The following PTCH2 variants were observed in gnomAD, a reference collection of about 807,000 sequenced individuals.
PTCH2 encodes protein patched homolog 2.
A neutral mutation model predicts 117.9 loss-of-function variants in PTCH2; 96 were observed. The observed-to-expected ratio is 0.81, with a 90% CI of 0.69 to 0.96. The LOEUF is 0.96. Among genes scored for constraint, PTCH2 ranks in the 50% least tolerant of loss-of-function variants. The probability of loss-of-function intolerance (pLI) is 0.00; values close to 1 mark genes in which losing one functional copy is unlikely to be tolerated. For synonymous variants in PTCH2, 615 were observed against 660.9 expected (o/e 0.93, Z 1.06); for missense variants, 1,379 against 1,562.5 (o/e 0.88, Z 1.98).
intron 1 of PTCH2, among the ~76,000 whole-genome samples, chr1:44,842,548 A>G (rs1038489946): frequency 2.0e-5 from 3 of 152,072 alleles, no homozygotes; most frequent in African/African-American, 7.2e-5. Context: ...CAGTGTTGGG[A>G]TTACAGGCGT....
In PTCH2 at chr1:44,823,183, T is replaced by TG. The variant is rs1459474327; in HGVS notation, c.3258-16dup. The TG allele has an allele frequency of 2.5e-6, 4 of 1,613,984 alleles. No homozygotes were observed. The highest frequency in any genetic ancestry group is 1.6e-4 in the Middle Eastern group (1 of 6,062). ...CAAAGAAGTACCTAGGGGTAGGGTG[T>TG]GGGGGGAGTCAGCCCAGGCCTGTCC... On this transcript the variant is annotated splice_polypyrimidine_tract_variant and intron_variant, in intron 20 of 21. Transcript: ENST00000372192. This position sits in a 1 kb window ranked among gnomAD's most constrained non-coding sequence, Gnocchi z 5.1.
chr1:44,820,043 AC>A (rs995557680), downstream of PTCH2: 2 of 187,904 alleles, frequency 1.1e-5, no homozygotes, highest in African/African-American at 4.8e-5. Context: ...CTAACACTTA[AC>A]ACACTTATGG....
chr1:44,819,930 CT>C (rs963083174), downstream of PTCH2: 2 of 153,276 alleles, frequency 1.3e-5, no homozygotes, highest in Non-Finnish European at 2.9e-5. Context: ...AAACTCACAA[CT>C]TTCTCTCCAC....
intron 19 of PTCH2, among the ~76,000 whole-genome samples, chr1:44,824,930 C>G (rs1653077676): frequency 6.6e-6 from 1 of 152,036 alleles, no homozygotes; most frequent in Admixed American, 6.6e-5. Flanking sequence ...CTTTAGCCTC[C>G]CAAAGTGCTG....
At chr1:44,838,081 CAAA>C (rs1385110706) in intron 2 of PTCH2, among the ~76,000 whole-genome samples, 4 of 84,576 alleles carry the variant, frequency 4.7e-5, no homozygotes, top group African/African-American at 4.5e-5. Flanking sequence ...GACTCCGTCT[CAAA>C]AAAAAAAAAA....
chr1:44,819,890 G>A (rs116205686), downstream of PTCH2: 2,465 of 152,624 alleles, frequency 0.016, 44 homozygotes, highest in African/African-American at 0.035. Flanking sequence ...TGTAGCCTCA[G>A]GAAATAAGAG....
At chr1:44,830,587 C>CAAAAAAAAAAAAAAACA (rs1653390491) in intron 6 of PTCH2, among the ~76,000 whole-genome samples, 1 of 65,178 alleles carries the variant, frequency 1.5e-5, no homozygotes, top group Admixed American at 1.9e-4. Context: ...GAGTGAGACT[C>CAAAAAAAAAAAAAAACA]AAAAAAAAAA....
chr1:44,828,424 G>A lies in PTCH2; in HGVS notation c.1591-10C>T, dbSNP rs112892676. 1.1e-4 allele frequency: 175 copies of A among 1,614,100 alleles called. 1 individual carries two copies. The highest frequency in any genetic ancestry group is 9.2e-4 in the African/African-American group (69 of 75,050). On this transcript the variant is annotated splice_polypyrimidine_tract_variant and intron_variant, in intron 12 of 21. Coordinates refer to ENST00000372192, the MANE Select transcript of PTCH2 (RefSeq NM_003738.5). ...CAACCACTATGGCCGCCTGGGGGAC[G>A]GACAGGAGGGGAATGAAGGCTGGAT...
intron 19 of PTCH2, among the ~76,000 whole-genome samples, chr1:44,825,137 T>C (rs753873579): frequency 1.3e-5 from 2 of 152,008 alleles, no homozygotes; most frequent in Non-Finnish European, 2.9e-5. Context: ...ATCTCTCTCT[T>C]CTTTTTTTTC....
At chr1:44,842,738 G>A (rs1238099987) in intron 1 of PTCH2, 123 bp downstream of exon 1, 5 of 986,898 alleles carry the variant, frequency 5.1e-6, no homozygotes, top group Admixed American at 2.2e-5. Context: ...TGCGGTGCTG[G>A]CTCTCACTTG....
chr1:44,840,663 A>G (rs887650269), intron 2 of PTCH2, among the ~76,000 whole-genome samples: 1 of 151,592 alleles, frequency 6.6e-6, no homozygotes, highest in Admixed American at 6.6e-5. Context: ...GTGAGACGAT[A>G]TCAAGCCACT....
chr1:44,835,536 C>A lies in PTCH2; in HGVS notation c.266-3195G>T, dbSNP rs1284526819. ...GCTGGTTTACAAGAGTACACTCTAA[C>A]CCACCATGAGAGTGTAATATGGTAC... On this transcript the variant is annotated intron_variant, in intron 2 of 21. Coordinates refer to ENST00000372192, the MANE Select transcript of PTCH2 (RefSeq NM_003738.5). Among the ~76,000 whole-genome samples, 3 of 152,144 alleles carry A rather than the reference C, an allele frequency of 2.0e-5. No homozygotes were observed. In the East Asian group the frequency reaches 5.8e-4, roughly 29 times the overall value.
In PTCH2 at chr1:44,830,003, C is replaced by A; in HGVS notation, c.841G>T (p.Gly281Trp). ...TTGTGGGAGAAGCCATGGCAGCCCC[C>A]ACTCAGCTCGTGAGCCACATTGGGA... ...QAPNVAHELS[G>W]GCHGFSHKFM... The change falls in exon 7 of 22, where the codon GGG (glycine) becomes TGG (tryptophan). Residue 281 changes from glycine (G) to tryptophan (W), a missense_variant. Gly to Trp is a radical substitution (Grantham distance 184). Transcript: ENST00000372192. 6.2e-7 allele frequency: 1 copy of A among 1,614,166 alleles called. No individual in the cohort carries two copies. The highest frequency in any genetic ancestry group is 1.7e-4 in the Middle Eastern group (1 of 6,060).
chr1:44,826,368 A>G lies in PTCH2; in HGVS notation c.2996T>C (p.Met999Thr), dbSNP rs149189451. 6 of 1,613,988 alleles carry G rather than the reference A, an allele frequency of 3.7e-6. No individual in the cohort carries two copies. Among genetic ancestry groups the G allele is most frequent in the Non-Finnish European group, 5.1e-6 (6 of 1,180,030 alleles). Reference protein sequence around the residue: ...AGLIVLVLAMMTVELFGIMGF... With the variant: ...AGLIVLVLAMTTVELFGIMGF... ...CATGATACCAAAGAGTTCCACTGTC[A>G]TCATCGCCAGGACCAGCACCTGAGG... Residue 999 changes from methionine (M) to threonine (T), a missense_variant, in exon 19 of 22, where the codon ATG becomes ACG. By Grantham distance (81) the Met-to-Thr change is moderately conservative. Coordinates refer to ENST00000372192, the MANE Select transcript of PTCH2 (RefSeq NM_003738.5). The surrounding 1 kb of genome is among the most constrained non-coding windows in gnomAD (Gnocchi z 5.1).
downstream of PTCH2, chr1:44,820,322 G>C: frequency 2.0e-6 from 1 of 496,554 alleles, no homozygotes; most frequent in Admixed American, 2.3e-5. Flanking sequence ...CGCACCCCGT[G>C]GGCGGCGCCG....
chr1:44,836,981 G>GC lies in PTCH2; in HGVS notation c.266-4641dup, dbSNP rs746445308. 6.6e-5 allele frequency among the ~76,000 whole-genome samples: 10 copies of GC among 152,190 alleles called. No individual in the cohort carries two copies. In the East Asian group the frequency reaches 9.7e-4, roughly 15 times the overall value. On this transcript the variant is annotated intron_variant, in intron 2 of 21. Coordinates refer to ENST00000372192, the MANE Select transcript of PTCH2 (RefSeq NM_003738.5). ...AAACAAAACAAAAACAAAAAGAAAT[G>GC]CAAGACAAGAATGATTTCTTTTTCC...
intron 2 of PTCH2, among the ~76,000 whole-genome samples, chr1:44,832,848 A>G (rs1211674013): frequency 6.6e-6 from 1 of 152,164 alleles, no homozygotes; most frequent in Non-Finnish European, 1.5e-5. Flanking sequence ...GCAGTGATTT[A>G]TATCCACACA....
intron 2 of PTCH2, among the ~76,000 whole-genome samples, chr1:44,838,480 A>G (rs983449022): frequency 1.3e-5 from 2 of 152,168 alleles, no homozygotes; most frequent in Non-Finnish European, 2.9e-5. Context: ...ACCTCAAGTG[A>G]TCCACCCGCT....
downstream of PTCH2, chr1:44,819,976 C>T (rs41269085): frequency 0.23 from 35,079 of 154,774 alleles, 4,680 homozygotes; most frequent in African/African-American, 0.37. Context: ...GATTTATGCG[C>T]TTTGAAGAGA....
Sources: allele counts gnomAD v4.1 joint callset (sites outside exome capture counted in the v4.1 genomes callset), GRCh38; gene constraint gnomAD v4.1.1; non-coding constraint Gnocchi (gnomAD v3.1); transcripts MANE v1.5; gene names NCBI Gene and HGNC (gene_info 2026-07-23, HGNC 2026-07-21).